The following SERGEF variants were observed in gnomAD, a reference collection of about 807,000 sequenced individuals.
The protein encoded by SERGEF is secretion regulating guanine nucleotide exchange factor.
In SERGEF, 51 loss-of-function variants were observed where a neutral mutation model predicts 50.0. The ratio of observed to expected loss-of-function variants is 1.02; its 90% CI spans 0.81 to 1.29. The LOEUF (loss-of-function observed/expected upper bound fraction) is 1.29, where lower values mean the gene tolerates loss of function less well. SERGEF is among the 50% of genes most tolerant of loss of function. The pLI is 0.00. For missense variants in SERGEF, 521 were observed against 557.0 expected, an observed-to-expected ratio of 0.94 and a Z score of 0.65; for synonymous variants, 205 against 212.4, an observed-to-expected ratio of 0.97 and a Z score of 0.30.
At chr11:17,945,979 AAAAAAACAAAAAAC>A (rs922916081) in intron 9 of SERGEF, among the ~76,000 whole-genome samples, 5 of 152,108 alleles carry the variant, frequency 3.3e-5, no homozygotes, top group African/African-American at 1.2e-4. Context: ...ACTCCACCTC[AAAAAAACAAAAAAC>A]AAAAAACAAA....
intron 9 of SERGEF, among the ~76,000 whole-genome samples, chr11:17,944,745 T>A (rs1434240906): frequency 2.6e-5 from 4 of 152,234 alleles, no homozygotes; most frequent in African/African-American, 4.8e-5. Context: ...TCTCTCTGTT[T>A]GATTAGCATG....
intron 9 of SERGEF, among the ~76,000 whole-genome samples, chr11:17,909,746 AT>A (rs1851913744): frequency 6.6e-6 from 1 of 152,204 alleles, no homozygotes; most frequent in African/African-American, 2.4e-5. Context: ...GGAAGTGTGT[AT>A]TCAGAGAAGT....
chr11:17,995,812 T>G lies in SERGEF; in HGVS notation c.606A>C (p.Glu202Asp). Residue 202 changes from glutamate (E) to aspartate (D), a missense_variant, in exon 6 of 11, where the codon GAA becomes GAC. Transcript: ENST00000265965. ...QTLPLFFTAK[E>D]PSRVTGLENS... is the part of the protein sequence containing the mutation. ...GCATCTTACCTGTCACTCTGCTTGG[T>G]TCCTTTGCTGTGAAAAACAATGGAA... 1 of 1,613,116 alleles carries G rather than the reference T, an allele frequency of 6.2e-7. No individual in the cohort carries two copies. Among genetic ancestry groups the G allele is most frequent in the Non-Finnish European group, 8.5e-7 (1 of 1,179,166 alleles).
chr11:17,868,726 C>G (rs1851076887), intron 10 of SERGEF, among the ~76,000 whole-genome samples: 1 of 152,184 alleles, frequency 6.6e-6, no homozygotes, highest in African/African-American at 2.4e-5. Flanking sequence ...TTCCACATGG[C>G]AGGGGAGGCC....
chr11:17,989,052 T>C lies in SERGEF; in HGVS notation c.686-297A>G, dbSNP rs1421952513. 2.0e-5 allele frequency among the ~76,000 whole-genome samples: 3 copies of C among 152,228 alleles called. No homozygotes were observed. In the East Asian group the frequency reaches 5.8e-4, roughly 29 times the overall value. On this transcript the variant is annotated intron_variant, in intron 7 of 10. Coordinates refer to ENST00000265965, the MANE Select transcript of SERGEF (RefSeq NM_012139.4). ...ACAAATATTTATGCAACATCTACCA[T>C]GTGTATGAGACACATTTCTCTATTT...
chr11:17,792,671 A>G (rs569672532), intron 10 of SERGEF, among the ~76,000 whole-genome samples: 37 of 152,258 alleles, frequency 2.4e-4, no homozygotes, highest in African/African-American at 7.5e-4. Flanking sequence ...TGTGTACTTT[A>G]TCTCATTTAA....
intron 8 of SERGEF, among the ~76,000 whole-genome samples, chr11:17,961,413 G>A (rs954072359): frequency 2.6e-5 from 4 of 152,190 alleles, no homozygotes; most frequent in African/African-American, 9.7e-5. Flanking sequence ...GAAACCAGGG[G>A]ATGAGACTGT....
chr11:17,948,268 G>A (rs1852707587), intron 9 of SERGEF, among the ~76,000 whole-genome samples: 2 of 152,126 alleles, frequency 1.3e-5, no homozygotes, highest in African/African-American at 4.8e-5. Flanking sequence ...TTGATAAAAT[G>A]CTTTCACATC....
intron 8 of SERGEF, among the ~76,000 whole-genome samples, chr11:17,983,559 A>C (rs905795777): frequency 7.2e-5 from 11 of 152,130 alleles, no homozygotes; most frequent in Non-Finnish European, 1.3e-4. Flanking sequence ...TTATTTCCCC[A>C]CTTTCCTAAT....
chr11:17,851,378 T>C (rs1850710096), intron 10 of SERGEF, among the ~76,000 whole-genome samples: 1 of 152,106 alleles, frequency 6.6e-6, no homozygotes, highest in Admixed American at 6.5e-5. Context: ...CAGAGAGCTG[T>C]TGCAAGGAAG....
chr11:17,947,948 T>C (rs1342249754), intron 9 of SERGEF, among the ~76,000 whole-genome samples: 1 of 149,086 alleles, frequency 6.7e-6, no homozygotes, highest in East Asian at 1.9e-4. Context: ...TCCTAATCCA[T>C]TCTTTTTTTT....
At chr11:17,918,315 A>C (rs543915697) in intron 9 of SERGEF, among the ~76,000 whole-genome samples, 11 of 152,348 alleles carry the variant, frequency 7.2e-5, no homozygotes, top group African/African-American at 2.4e-4. Context: ...CTACTTGTAG[A>C]AACTATTTAC....
chr11:18,009,442 A>C (rs1051076145), intron 1 of SERGEF, among the ~76,000 whole-genome samples: 1 of 152,178 alleles, frequency 6.6e-6, no homozygotes, highest in Non-Finnish European at 1.5e-5. Flanking sequence ...GAAAAAAATG[A>C]GAGAGAAATG....
intron 7 of SERGEF, among the ~76,000 whole-genome samples, chr11:17,990,721 A>G (rs1308639473): frequency 6.6e-6 from 1 of 152,194 alleles, no homozygotes; most frequent in African/African-American, 2.4e-5. Flanking sequence ...CATTGAACAA[A>G]ATCCAATGTG....
rs931066383 is a variant in SERGEF, at chr11:17,971,538, A to G, written c.845-11902T>C. Among the ~76,000 whole-genome samples, 36 of 152,328 alleles carry G rather than the reference A, an allele frequency of 2.4e-4. 1 individual carries two copies. The highest frequency in any genetic ancestry group is 6.2e-4 in the South Asian group (3 of 4,834). On this transcript the variant is annotated intron_variant, in intron 8 of 10. Transcript: ENST00000265965. ...GGATGATAGCACATCTGTTTATAGCATGGTTTACTGAATATTTTAAGCCCA... is the reference window on the plus strand; with the variant it reads ...GGATGATAGCACATCTGTTTATAGCGTGGTTTACTGAATATTTTAAGCCCA...
At chr11:17,988,487 A>G in intron 8 of SERGEF, 110 bp downstream of exon 8, 1 of 1,033,146 alleles carries the variant, frequency 9.7e-7, no homozygotes. Flanking sequence ...CCCATCTCTG[A>G]TCTTTAAGCT....
At chr11:17,920,380 A>T (rs1020098563) in intron 9 of SERGEF, among the ~76,000 whole-genome samples, 1 of 152,092 alleles carries the variant, frequency 6.6e-6, no homozygotes, top group Admixed American at 6.5e-5. Context: ...TTTATTTCTT[A>T]TGTCTAGGTT....
intron 10 of SERGEF, among the ~76,000 whole-genome samples, chr11:17,799,155 T>C (rs1175964274): frequency 6.6e-6 from 1 of 152,104 alleles, no homozygotes; most frequent in Non-Finnish European, 1.5e-5. Context: ...AGATTCTCAG[T>C]CATCATCATC....
intron 9 of SERGEF, among the ~76,000 whole-genome samples, chr11:17,917,347 A>G (rs762376531): frequency 1.8e-4 from 28 of 152,234 alleles, no homozygotes; most frequent in Non-Finnish European, 3.4e-4. Flanking sequence ...GTTCTCACTC[A>G]TAAGTGGGAG....
Sources: allele counts gnomAD v4.1 joint callset (sites outside exome capture counted in the v4.1 genomes callset), GRCh38; gene constraint gnomAD v4.1.1; transcripts MANE v1.5; gene names NCBI Gene and HGNC (gene_info 2026-07-23, HGNC 2026-07-21).